Variants in PLS1 observed in about 807,000 individuals in gnomAD.
PLS1 encodes plastin 1, also known as plastin-1.
In PLS1, 32 loss-of-function variants were observed where a neutral mutation model predicts 73.7. The ratio of observed to expected loss-of-function variants is 0.43; its 90% CI spans 0.33 to 0.58. The LOEUF is 0.58. Among genes scored for constraint, PLS1 ranks in the 20% least tolerant of loss-of-function variants. The pLI is 0.04. For synonymous variants in PLS1, 217 were observed against 261.3 expected (o/e 0.83, Z 1.63); for missense variants, 633 against 740.5 (o/e 0.85, Z 1.68).
chr3:142,629,029 A>G (rs2036493916), intron 1 of PLS1, among the ~76,000 whole-genome samples: 1 of 152,168 alleles, frequency 6.6e-6, no homozygotes, highest in Non-Finnish European at 1.5e-5. Flanking sequence ...CTTGTTCCTC[A>G]CACTTGTTTC....
At chr3:142,632,462 C>G (rs1431192161) in intron 1 of PLS1, among the ~76,000 whole-genome samples, 1 of 152,062 alleles carries the variant, frequency 6.6e-6, no homozygotes, top group African/African-American at 2.4e-5. Context: ...AGTGATTGGA[C>G]CCCTTTTGAG....
intron 1 of PLS1, among the ~76,000 whole-genome samples, chr3:142,659,287 G>A (rs2037311481): frequency 6.6e-6 from 1 of 152,168 alleles, no homozygotes. Context: ...GGGCCACTGT[G>A]GAAGATGGGA....
At chr3:142,642,235 A>G (rs1032538357) in intron 1 of PLS1, among the ~76,000 whole-genome samples, 19 of 152,132 alleles carry the variant, frequency 1.2e-4, no homozygotes, top group African/African-American at 4.6e-4. Flanking sequence ...ACCTGATAGT[A>G]TATGGTGAAT....
intron 1 of PLS1, among the ~76,000 whole-genome samples, chr3:142,614,983 T>C (rs1480079222): frequency 6.6e-6 from 1 of 151,746 alleles, no homozygotes; most frequent in Admixed American, 6.6e-5. Context: ...CAGGGTGTCA[T>C]TTGAAAATTG....
chr3:142,649,019 C>T (rs1359774644), intron 1 of PLS1, among the ~76,000 whole-genome samples: 1 of 152,232 alleles, frequency 6.6e-6, no homozygotes, highest in South Asian at 2.1e-4. Flanking sequence ...GCTTTTTTCT[C>T]TTTACATGCA....
At chr3:142,701,841 C>A (rs6440104) in intron 12 of PLS1, among the ~76,000 whole-genome samples, 77,791 of 152,034 alleles carry the variant, frequency 0.51, 21,949 homozygotes, top group African/African-American at 0.76. Flanking sequence ...TCCCACTGAA[C>A]TGGGTGTCCA....
At position 142,669,399 on chromosome 3, in the gene PLS1, A is replaced by G. The variant is rs1001398187; in HGVS notation, c.80A>G (p.Asn27Ser). 7.8e-6 allele frequency: 12 copies of G among 1,545,398 alleles called. No individual in the cohort carries two copies. Among genetic ancestry groups the G allele is most frequent in the Non-Finnish European group, 1.1e-5 (12 of 1,124,702 alleles). ...QEAFNKIDID[N>S]SGYVSDYELQ... ...TAATATATCTTTACAGATATTGACA[A>G]TAGTGGGTATGTCAGTGACTATGAA... is the stretch of plus-strand genomic sequence containing the variant. The change falls in exon 3 of 16, where the codon AAT (asparagine) becomes AGT (serine). Residue 27 changes from asparagine to serine, a missense_variant. Coordinates refer to ENST00000457734, the MANE Select transcript of PLS1 (RefSeq NM_001145319.2).
intron 1 of PLS1, among the ~76,000 whole-genome samples, chr3:142,629,354 C>T (rs1174539350): frequency 6.6e-6 from 1 of 152,090 alleles, no homozygotes; most frequent in East Asian, 1.9e-4. Context: ...AGGTGCACAC[C>T]ACCATGCCCG....
At chr3:142,635,570 G>A (rs974042658) in intron 1 of PLS1, among the ~76,000 whole-genome samples, 2 of 152,080 alleles carry the variant, frequency 1.3e-5, no homozygotes, top group African/African-American at 2.4e-5. Flanking sequence ...GCCACTACAC[G>A]CCAGCCTGAG....
chr3:142,684,309 C>T lies in PLS1; in HGVS notation c.802C>T (p.Pro268Ser). 2 of 1,614,012 alleles carry T rather than the reference C, an allele frequency of 1.2e-6. No homozygotes were observed. Among genetic ancestry groups the T allele is most frequent in the Non-Finnish European group, 1.7e-6 (2 of 1,179,906 alleles). ...EELEELMKLS[P>S]EELLLRWVNY... ...ACTAGAGGAGCTGATGAAGCTTTCT[C>T]CCGAGGAATTACTGCTGCGATGGGT... Residue 268 changes from proline (P) to serine (S), a missense_variant, in exon 8 of 16, where the codon CCC (proline) becomes TCC (serine). Transcript: ENST00000457734.
intron 11 of PLS1, among the ~76,000 whole-genome samples, chr3:142,694,978 G>A (rs992788999): frequency 1.3e-5 from 2 of 151,708 alleles, no homozygotes; most frequent in African/African-American, 2.4e-5. Flanking sequence ...TTGAATAATT[G>A]TTATAGCTTA....
At chr3:142,683,019 G>A (rs1485675168) in intron 6 of PLS1, among the ~76,000 whole-genome samples, 1 of 152,070 alleles carries the variant, frequency 6.6e-6, no homozygotes, top group Non-Finnish European at 1.5e-5. Context: ...CGCCCCAGAC[G>A]ATCCCCCAAA....
intron 6 of PLS1, among the ~76,000 whole-genome samples, chr3:142,678,317 A>ATGTGCAC (rs1255801749): frequency 6.6e-6 from 1 of 150,646 alleles, no homozygotes; most frequent in Non-Finnish European, 1.5e-5. Context: ...ACATGTGCAC[A>ATGTGCAC]ATGTGCAGGT....
chr3:142,637,870 C>A (rs547749257), intron 1 of PLS1, among the ~76,000 whole-genome samples: 247 of 151,860 alleles, frequency 1.6e-3, no homozygotes, highest in African/African-American at 5.4e-3. Context: ...CCCTCTCTCT[C>A]TCTATATATA....
chr3:142,604,852 G>A (rs781561290), intron 1 of PLS1, among the ~76,000 whole-genome samples: 4 of 151,598 alleles, frequency 2.6e-5, no homozygotes, highest in East Asian at 1.9e-4. Context: ...GGAGAATGGC[G>A]TGAACCCGGG....
intron 1 of PLS1, among the ~76,000 whole-genome samples, chr3:142,600,877 CATATATATATATATAT>C (rs1185547517): frequency 0.029 from 687 of 23,490 alleles, 59 homozygotes; most frequent in African/African-American, 0.095. Context: ...GGCCTGGTTT[CATATATATATATATAT>C]ATATATATAT....
At chr3:142,604,329 C>T (rs1349019459) in intron 1 of PLS1, among the ~76,000 whole-genome samples, 1 of 152,166 alleles carries the variant, frequency 6.6e-6, no homozygotes. Flanking sequence ...ACCAAAACCT[C>T]TCAAAGACTC....
At chr3:142,652,514 T>G (rs918789445) in intron 1 of PLS1, among the ~76,000 whole-genome samples, 1 of 152,192 alleles carries the variant, frequency 6.6e-6, no homozygotes, top group African/African-American at 2.4e-5. Context: ...GAGCAGTGCC[T>G]GTGTCCTCGG....
chr3:142,667,976 T>G (rs1377913894), intron 2 of PLS1, among the ~76,000 whole-genome samples: 1 of 152,236 alleles, frequency 6.6e-6, no homozygotes, highest in Non-Finnish European at 1.5e-5. Flanking sequence ...TCTATCATTC[T>G]GAACAGTATT....
Sources: allele counts gnomAD v4.1 joint callset (sites outside exome capture counted in the v4.1 genomes callset), GRCh38; gene constraint gnomAD v4.1.1; transcripts MANE v1.5; gene names NCBI Gene and HGNC (gene_info 2026-07-23, HGNC 2026-07-21).